HNF4G: variants seen among roughly 807,000 people sequenced by gnomAD.
The protein encoded by HNF4G is hepatocyte nuclear factor 4 gamma, also known as hepatocyte nuclear factor 4-gamma.
HNF4G carries 21 observed loss-of-function variants against 50.9 expected under a neutral mutation model. That is an observed-to-expected ratio of 0.41 (90% CI 0.29 to 0.59). The LOEUF (loss-of-function observed/expected upper bound fraction) is 0.59. Among genes scored for constraint, HNF4G ranks in the 20% least tolerant of loss-of-function variants. The probability of loss-of-function intolerance (pLI) is 0.26; values close to 1 mark genes in which losing one functional copy is unlikely to be tolerated. For synonymous variants in HNF4G, 198 were observed against 185.6 expected (o/e 1.07, Z -0.54); for missense variants, 527 against 559.4 (o/e 0.94, Z 0.58).
intron 2 of HNF4G, among the ~76,000 whole-genome samples, chr8:75,491,913 A>G (rs2130684100): frequency 6.6e-6 from 1 of 152,312 alleles, no homozygotes; most frequent in Middle Eastern, 3.4e-3. Flanking sequence ...CACACAAAGA[A>G]CAATGCTTGC....
At chr8:75,482,593 C>T (rs559824593) in intron 1 of HNF4G, among the ~76,000 whole-genome samples, 4 of 152,180 alleles carry the variant, frequency 2.6e-5, no homozygotes, top group African/African-American at 9.7e-5. Context: ...GTCTTGAACT[C>T]CTGACCTCAG....
intron 1 of HNF4G, among the ~76,000 whole-genome samples, chr8:75,447,725 A>G (rs1280789072): frequency 4.0e-5 from 6 of 150,498 alleles, no homozygotes; most frequent in African/African-American, 9.8e-5. Context: ...AATCAAAACC[A>G]CTATGAGATA....
At chr8:75,525,611 T>A (rs556787381) in intron 2 of HNF4G, among the ~76,000 whole-genome samples, 24 of 152,318 alleles carry the variant, frequency 1.6e-4, no homozygotes, top group African/African-American at 5.5e-4. Context: ...CACTTGTGAT[T>A]TTTTATTAAC....
chr8:75,542,103 C>T (rs1490041618), intron 1 of HNF4G, among the ~76,000 whole-genome samples: 1 of 151,936 alleles, frequency 6.6e-6, no homozygotes, highest in Non-Finnish European at 1.5e-5. Context: ...GAGTTTAAGA[C>T]CAACCTGGGC....
intron 1 of HNF4G, among the ~76,000 whole-genome samples, chr8:75,466,099 T>G (rs1811963837): frequency 6.6e-6 from 1 of 152,222 alleles, no homozygotes; most frequent in Non-Finnish European, 1.5e-5. Flanking sequence ...TAAGGAAATA[T>G]CAAGTAGAGG....
chr8:75,512,428 T>A (rs1252881275), intron 2 of HNF4G, among the ~76,000 whole-genome samples: 2 of 140,934 alleles, frequency 1.4e-5, no homozygotes, highest in Non-Finnish European at 1.5e-5. Flanking sequence ...GATAAACATC[T>A]TTATTATTAT....
intron 2 of HNF4G, among the ~76,000 whole-genome samples, chr8:75,513,235 A>G (rs909926859): frequency 1.3e-5 from 2 of 151,974 alleles, no homozygotes; most frequent in African/African-American, 4.8e-5. Context: ...ATGGGGTTTC[A>G]CCACGTTGGC....
At chr8:75,536,053 T>A (rs1184839405), upstream of HNF4G, among the ~76,000 whole-genome samples, 1 of 151,900 alleles carries the variant, frequency 6.6e-6, no homozygotes, top group African/African-American at 2.4e-5. Flanking sequence ...ATGTTGTCAT[T>A]CTCTCTGGAG....
chr8:75,447,132 C>T (rs1357528743), intron 1 of HNF4G, among the ~76,000 whole-genome samples: 4 of 90,384 alleles, frequency 4.4e-5, no homozygotes, highest in East Asian at 3.2e-4. Context: ...ACGCCGCATA[C>T]CTACAACTAT....
Position 75,451,547 on chromosome 8 carries a change from T to C in HNF4G, c.-143-38542T>C, listed in dbSNP as rs139834295. 4.2e-4 allele frequency among the ~76,000 whole-genome samples: 64 copies of C among 152,204 alleles called. 1 individual carries two copies. Among genetic ancestry groups the C allele is most frequent in the African/African-American group, 1.4e-3 (59 of 41,488 alleles). The stretch of plus-strand genomic sequence containing the variant: ...GGTATGAGATGAAGGTTAAGTTTCA[T>C]TCTTCTGCATGTGAACATTCAGTTT... On this transcript the variant is annotated intron_variant, in intron 1 of 10. Coordinates refer to the HNF4G transcript ENST00000354370.
At chr8:75,460,501 G>A (rs1248590293) in intron 1 of HNF4G, among the ~76,000 whole-genome samples, 1 of 152,116 alleles carries the variant, frequency 6.6e-6, no homozygotes, top group East Asian at 1.9e-4. Flanking sequence ...CAACTAAAAT[G>A]ATGAATGCTG....
rs1359441306 is a variant in HNF4G, at chr8:75,558,650, C to A, written c.866C>A (p.Ala289Glu). 1 of 1,612,662 alleles carries A rather than the reference C, an allele frequency of 6.2e-7. No homozygotes were observed. Among genetic ancestry groups the A allele is most frequent in the Non-Finnish European group, 8.5e-7 (1 of 1,179,548 alleles). Reference protein sequence around the residue: ...IDDNEYACLKAIVFFDPDAKG... With the variant: ...IDDNEYACLKEIVFFDPDAKG... The stretch of plus-strand genomic sequence containing the variant: ...GACAATGAGTATGCTTGTTTAAAGG[C>A]AATTGTATTTTTTGATCCAGGTTGG... Residue 289 changes from alanine (A) to glutamate (E), a missense_variant, in exon 7 of 10, where the codon GCA becomes GAA. Coordinates refer to ENST00000396423, the MANE Select transcript of HNF4G (RefSeq NM_004133.5).
At chr8:75,419,265 T>G (rs1442290503) in intron 1 of HNF4G, among the ~76,000 whole-genome samples, 1 of 152,182 alleles carries the variant, frequency 6.6e-6, no homozygotes, top group African/African-American at 2.4e-5. Context: ...AGAAACCGTT[T>G]TAAGTATTTC....
chr8:75,482,150 C>T (rs1812395356), intron 1 of HNF4G, among the ~76,000 whole-genome samples: 1 of 152,172 alleles, frequency 6.6e-6, no homozygotes, highest in Non-Finnish European at 1.5e-5. Context: ...ATATCCCCTA[C>T]TTGAGGCTTT....
intron 2 of HNF4G, among the ~76,000 whole-genome samples, chr8:75,522,775 T>C (rs1187241147): frequency 6.6e-6 from 1 of 152,188 alleles, no homozygotes; most frequent in Non-Finnish European, 1.5e-5. Context: ...CTCTAATATG[T>C]TACCTAAATT....
chr8:75,526,946 T>C (rs980516334), intron 2 of HNF4G: 2 of 151,978 alleles, frequency 1.3e-5, no homozygotes, highest in African/African-American at 4.8e-5. Context: ...TTTTTTTTCT[T>C]TTTGTATTTT....
intron 1 of HNF4G, among the ~76,000 whole-genome samples, chr8:75,444,877 G>C (rs1485695748): frequency 1.9e-5 from 2 of 107,418 alleles, no homozygotes; most frequent in East Asian, 2.5e-4. Context: ...CAACGAGACA[G>C]AAAGTCAACA....
chr8:75,413,864 T>TAA (rs67233685), intron 1 of HNF4G, among the ~76,000 whole-genome samples: 6 of 151,508 alleles, frequency 4.0e-5, no homozygotes, highest in African/African-American at 7.3e-5. Flanking sequence ...CTAAAAGATT[T>TAA]AAAAAAAAAT....
intron 2 of HNF4G, among the ~76,000 whole-genome samples, chr8:75,531,930 A>G (rs988354445): frequency 2.0e-5 from 3 of 152,080 alleles, no homozygotes; most frequent in South Asian, 2.1e-4. Context: ...TTTCTCTTTT[A>G]TCTCCGGATA....
Sources: gnomAD v4.1 joint callset for allele counts (sites outside exome capture counted in the v4.1 genomes callset) on GRCh38, gnomAD v4.1.1 for gene constraint, MANE v1.5 for transcripts, NCBI Gene and HGNC (gene_info 2026-07-23, HGNC 2026-07-21) for gene names.